PCDHGA7: variants seen among roughly 807,000 people sequenced by gnomAD.
PCDHGA7 encodes the protein protocadherin gamma-A7.
A neutral mutation model predicts 58.3 loss-of-function variants in PCDHGA7; 44 were observed. The ratio of observed to expected loss-of-function variants is 0.75; its 90% CI spans 0.59 to 0.97. PCDHGA7 has a LOEUF of 0.97. Among genes scored for constraint, PCDHGA7 ranks in the 50% least tolerant of loss-of-function variants. The probability of loss-of-function intolerance (pLI) is 0.00; values close to 1 mark genes in which losing one functional copy is unlikely to be tolerated. For missense variants in PCDHGA7, 1,266 were observed against 1,188.7 expected (o/e 1.06, Z -0.96); for synonymous variants, 516 against 504.2 (o/e 1.02, Z -0.31).
intron 1 of PCDHGA7, chr5:141,478,259 T>G: frequency 6.2e-7 from 1 of 1,614,182 alleles, no homozygotes. Context: ...AGTAATCATA[T>G]TCAAAGTTTA....
At chr5:141,427,333 T>C (rs1157500463) in intron 1 of PCDHGA7, 1 of 457,322 alleles carries the variant, frequency 2.2e-6, no homozygotes, top group Non-Finnish European at 4.4e-6. Context: ...TTTACTTCAG[T>C]GTCCAGTTCT....
intron 1 of PCDHGA7, chr5:141,413,903 C>T (rs1038159413): frequency 2.5e-6 from 4 of 1,613,308 alleles, no homozygotes; most frequent in Non-Finnish European, 3.4e-6. Flanking sequence ...AATGACAACG[C>T]GCCGGTCTTC....
Position 141,384,893 on chromosome 5 carries a change from C to G in PCDHGA7, c.1994C>G (p.Ala665Gly). The G allele has an allele frequency of 1.2e-6, 2 of 1,613,890 alleles. No homozygotes were observed. Among genetic ancestry groups the G allele is most frequent in the Non-Finnish European group, 1.7e-6 (2 of 1,179,990 alleles). ...SATVTLTVAV[A>G]DSIPEVLADL... ...ACCGTCACACTCACCGTGGCTGTGG[C>G]TGACAGCATCCCCGAAGTCTTGGCC... Residue 665 changes from alanine to glycine, a missense_variant, in exon 1 of 4, where the codon GCT (alanine) becomes GGT (glycine). Coordinates refer to ENST00000518325, the MANE Select transcript of PCDHGA7 (RefSeq NM_018920.4).
Position 141,489,826 on chromosome 5 carries a change from C to T in PCDHGA7, c.2425-4981C>T, listed in dbSNP as rs1270077118. 1 of 1,614,186 alleles carries T rather than the reference C, an allele frequency of 6.2e-7. No individual in the cohort carries two copies. The highest frequency in any genetic ancestry group is 1.7e-5 in the Admixed American group (1 of 60,028). On this transcript the variant is annotated intron_variant, in intron 1 of 3. Coordinates refer to ENST00000518325, the MANE Select transcript of PCDHGA7 (RefSeq NM_018920.4). The surrounding 1 kb of genome is among the most constrained non-coding windows in gnomAD (Gnocchi z 4.5). ...TGGGAAGCCATTCCCAGAGCTGGTGCTAGAGCAGCAGCTGGATCGTGAAGC... is the reference window on the plus strand; with the variant it reads ...TGGGAAGCCATTCCCAGAGCTGGTGTTAGAGCAGCAGCTGGATCGTGAAGC...
chr5:141,493,784 T>A lies in PCDHGA7; in HGVS notation c.2425-1023T>A, dbSNP rs1368708028. ...AGCCACTGGCAGTTCCGGAGCTTCC[T>A]TCTCCCTGGAGTAATCTGAGATACT... On this transcript the variant is annotated intron_variant, in intron 1 of 3. Coordinates refer to ENST00000518325, the MANE Select transcript of PCDHGA7 (RefSeq NM_018920.4). This position sits in a 1 kb window ranked among gnomAD's most constrained non-coding sequence, Gnocchi z 4.3. 1.3e-5 allele frequency among the ~76,000 whole-genome samples: 2 copies of A among 152,194 alleles called. No individual in the cohort carries two copies. Among genetic ancestry groups the A allele is most frequent in the Non-Finnish European group, 2.9e-5 (2 of 68,032 alleles).
intron 1 of PCDHGA7, chr5:141,398,312 C>A: frequency 1.5e-6 from 2 of 1,355,208 alleles, no homozygotes; most frequent in East Asian, 2.5e-5. Flanking sequence ...CAGGAGTTAC[C>A]GACTCGAAAA....
Position 141,385,136 on chromosome 5 carries a change from T to C in PCDHGA7, c.2237T>C (p.Val746Ala), listed in dbSNP as rs760226388. The C allele has an allele frequency of 1.2e-6, 2 of 1,614,180 alleles. No individual in the cohort carries two copies. Among genetic ancestry groups the C allele is most frequent in the Middle Eastern group, 1.6e-4 (1 of 6,062 alleles). ...PTSHFVGMDG[V>A]QAFLQTYSHE... ...TCGCACTTTGTGGGCATGGACGGGG[T>C]GCAGGCTTTCCTGCAGACCTATTCC... The change falls in exon 1 of 4, where the codon GTG becomes GCG. Residue 746 changes from valine (V) to alanine (A), a missense_variant. Physicochemically the swap from Val to Ala is moderately conservative, Grantham distance 64 (BLOSUM62 0). Transcript: ENST00000518325.
Position 141,404,638 on chromosome 5 carries a change from C to T in PCDHGA7, c.2424+19315C>T, listed in dbSNP as rs776247476. On this transcript the variant is annotated intron_variant, in intron 1 of 3. Coordinates refer to ENST00000518325, the MANE Select transcript of PCDHGA7 (RefSeq NM_018920.4). Reference sequence around the variant, plus strand: ...ACCAGAATGACAATGCCCCAGAAATCCTGTACCCTGCCCTCCCCACTGATG... The same window carrying T: ...ACCAGAATGACAATGCCCCAGAAATTCTGTACCCTGCCCTCCCCACTGATG... 5 of 1,614,194 alleles carry T rather than the reference C, an allele frequency of 3.1e-6. No homozygotes were observed. In the South Asian group the frequency reaches 5.5e-5, roughly 18 times the overall value.
chr5:141,464,053 T>C (rs111614367), intron 1 of PCDHGA7, among the ~76,000 whole-genome samples: 9,857 of 152,054 alleles, frequency 0.065, 668 homozygotes, highest in African/African-American at 0.17. Flanking sequence ...TCACCTGAGG[T>C]CAGGAGTTCA....
intron 1 of PCDHGA7, chr5:141,410,309 T>G: frequency 6.2e-7 from 1 of 1,613,998 alleles, no homozygotes; most frequent in Non-Finnish European, 8.5e-7. Flanking sequence ...CTCAGTGCTC[T>G]TCCTCCTCGC....
intron 2 of PCDHGA7, among the ~76,000 whole-genome samples, chr5:141,495,521 C>G (rs1385879589): frequency 6.6e-6 from 1 of 152,144 alleles, no homozygotes; most frequent in Non-Finnish European, 1.5e-5. Flanking sequence ...TTTCTCTTAC[C>G]TCTCAGTCCT....
In PCDHGA7 at chr5:141,485,244, T is replaced by C; in HGVS notation, c.2425-9563T>C. ...ACCCTTTTGTTCCTCTTTTACCACC[T>C]GGGTTACGTTTGTGGGCAGATCCGC... On this transcript the variant is annotated intron_variant, in intron 1 of 3. Transcript: ENST00000518325. This position sits in a 1 kb window ranked among gnomAD's most constrained non-coding sequence, Gnocchi z 5.7. 1 of 1,614,168 alleles carries C rather than the reference T, an allele frequency of 6.2e-7. No individual in the cohort carries two copies. Among genetic ancestry groups the C allele is most frequent in the Admixed American group, 1.7e-5 (1 of 60,016 alleles).
At chr5:141,389,141 C>G (rs919430175) in intron 1 of PCDHGA7, 1 of 1,613,878 alleles carries the variant, frequency 6.2e-7, no homozygotes, top group African/African-American at 1.3e-5. Context: ...ACAATATAAC[C>G]GTTACGGCAA....
At chr5:141,496,021 G>A (rs1011612662) in intron 2 of PCDHGA7, among the ~76,000 whole-genome samples, 1 of 151,336 alleles carries the variant, frequency 6.6e-6, no homozygotes, top group Admixed American at 6.6e-5. Context: ...TTTTCTCTGA[G>A]CCTCTGTCTC....
chr5:141,425,661 C>A (rs993314865), intron 1 of PCDHGA7, among the ~76,000 whole-genome samples: 5 of 152,184 alleles, frequency 3.3e-5, no homozygotes, highest in Admixed American at 3.3e-4. Context: ...ATTATCTGCA[C>A]ATCAGATTGA....
intron 2 of PCDHGA7, among the ~76,000 whole-genome samples, chr5:141,497,893 C>T (rs1194262199): frequency 6.6e-6 from 1 of 152,132 alleles, no homozygotes; most frequent in Non-Finnish European, 1.5e-5. Flanking sequence ...GGATCTAGTC[C>T]AGTAACTTCA....
intron 1 of PCDHGA7, chr5:141,426,867 G>A (rs1436078091): frequency 4.4e-6 from 2 of 456,708 alleles, no homozygotes; most frequent in Non-Finnish European, 8.8e-6. Flanking sequence ...ATTAGTGCTG[G>A]AGAAGCCCCT....
chr5:141,492,553 G>C (rs1184580300), intron 1 of PCDHGA7, among the ~76,000 whole-genome samples: 1 of 152,148 alleles, frequency 6.6e-6, no homozygotes, highest in Non-Finnish European at 1.5e-5. Flanking sequence ...CGGGTCGCCT[G>C]GGGGGCGGCC....
At chr5:141,460,961 A>ATG (rs35821115) in intron 1 of PCDHGA7, among the ~76,000 whole-genome samples, 128 of 144,610 alleles carry the variant, frequency 8.9e-4, no homozygotes, top group Middle Eastern at 7.1e-3. Context: ...GTATATATAT[A>ATG]TGTGTGTGTG....
Sources: gnomAD v4.1 joint callset for allele counts (sites outside exome capture counted in the v4.1 genomes callset) on GRCh38, gnomAD v4.1.1 for gene constraint, Gnocchi (gnomAD v3.1) non-coding constraint, MANE v1.5 for transcripts, NCBI Gene and HGNC (gene_info 2026-07-23, HGNC 2026-07-21) for gene names.